PPARGC1A: variants seen among roughly 807,000 people sequenced by gnomAD.
PPARGC1A encodes the protein peroxisome proliferator-activated receptor gamma coactivator 1-alpha.
A neutral mutation model predicts 88.7 loss-of-function variants in PPARGC1A; 25 were observed. The observed-to-expected ratio is 0.28, with a 90% CI of 0.21 to 0.39. The LOEUF is 0.39. Ranked by LOEUF, PPARGC1A falls within the 10% of genes least tolerant of loss-of-function variation. The pLI is 1.00. For synonymous variants in PPARGC1A, 363 were observed against 355.6 expected, an observed-to-expected ratio of 1.02 and a Z score of -0.24; for missense variants, 880 against 968.7, an observed-to-expected ratio of 0.91 and a Z score of 1.22.
chr4:23,812,075 G>A (rs533140868), intron 10 of PPARGC1A, among the ~76,000 whole-genome samples: 14 of 151,356 alleles, frequency 9.2e-5, no homozygotes, highest in African/African-American at 2.9e-4. Flanking sequence ...GCACCACCAC[G>A]CCTGGCTAAT....
intron 2 of PPARGC1A, among the ~76,000 whole-genome samples, chr4:23,848,099 C>T (rs989365312): frequency 6.6e-5 from 10 of 152,158 alleles, no homozygotes; most frequent in African/African-American, 2.2e-4. Context: ...ATAGTTGTCC[C>T]ATAAGGTTAC....
the PPARGC1A span, among the ~76,000 whole-genome samples, chr4:24,031,933 G>C: frequency 1.3e-5 from 2 of 152,172 alleles, no homozygotes; most frequent in African/African-American, 4.8e-5. Flanking sequence ...AGCCCAGAGA[G>C]GGGGAACTGG....
the PPARGC1A span, among the ~76,000 whole-genome samples, chr4:24,109,081 A>G: frequency 6.8e-6 from 1 of 147,170 alleles, no homozygotes; most frequent in Non-Finnish European, 1.5e-5. Context: ...TGCCATTGCT[A>G]GAAAGGATAT....
the PPARGC1A span, among the ~76,000 whole-genome samples, chr4:23,945,079 G>A: frequency 6.6e-6 from 1 of 151,928 alleles, no homozygotes; most frequent in Non-Finnish European, 1.5e-5. Context: ...TATGTATAAA[G>A]CCCATAGAAT....
the PPARGC1A span, among the ~76,000 whole-genome samples, chr4:24,199,922 C>A: frequency 6.6e-6 from 1 of 152,108 alleles, no homozygotes; most frequent in African/African-American, 2.4e-5. Context: ...GAGGACGTTG[C>A]TGACAGCACC....
intron 12 of PPARGC1A, 51 bp downstream of exon 12, chr4:23,801,679 C>G: frequency 1.3e-6 from 2 of 1,597,524 alleles, no homozygotes; most frequent in South Asian, 2.2e-5. Flanking sequence ...TTGTTCCCAT[C>G]TTGAGCTCTA....
the PPARGC1A span, among the ~76,000 whole-genome samples, chr4:24,147,624 G>A: frequency 6.6e-6 from 1 of 152,008 alleles, no homozygotes. Flanking sequence ...CTGACCAATG[G>A]CCAATTAGCT....
At chr4:24,406,495 TA>T in the PPARGC1A span, among the ~76,000 whole-genome samples, 1 of 152,226 alleles carries the variant, frequency 6.6e-6, no homozygotes, top group Admixed American at 6.5e-5. Context: ...GATTTGGAAT[TA>T]TGCTGATTTA....
At chr4:23,952,996 C>T in the PPARGC1A span, among the ~76,000 whole-genome samples, 2 of 151,952 alleles carry the variant, frequency 1.3e-5, no homozygotes, top group Admixed American at 6.6e-5. Context: ...GCATTACAAC[C>T]TTCCTTTCTT....
the PPARGC1A span, among the ~76,000 whole-genome samples, chr4:24,087,566 A>G: frequency 6.6e-6 from 1 of 152,218 alleles, no homozygotes; most frequent in Non-Finnish European, 1.5e-5. Context: ...GTCACGAAGG[A>G]TACATCCCAT....
intron 2 of PPARGC1A, among the ~76,000 whole-genome samples, chr4:23,833,511 AG>A (rs1725427164): frequency 6.6e-6 from 1 of 152,206 alleles, no homozygotes; most frequent in Non-Finnish European, 1.5e-5. Flanking sequence ...CATCTAATGA[AG>A]CTAGCAGTAC....
the PPARGC1A span, among the ~76,000 whole-genome samples, chr4:24,236,894 A>G: frequency 6.6e-6 from 1 of 152,238 alleles, no homozygotes; most frequent in South Asian, 2.1e-4. Flanking sequence ...TTAGACATGA[A>G]GAAGCGGGAC....
chr4:24,117,054 A>C, the PPARGC1A span, among the ~76,000 whole-genome samples: 2 of 152,116 alleles, frequency 1.3e-5, no homozygotes, highest in Non-Finnish European at 2.9e-5. Context: ...GGTAAAAAAA[A>C]AAAAATCACA....
intron 2 of PPARGC1A, among the ~76,000 whole-genome samples, chr4:23,869,962 A>G (rs1425573642): frequency 9.8e-5 from 15 of 152,340 alleles, no homozygotes; most frequent in Non-Finnish European, 1.9e-4. Context: ...TGGTCTCTTT[A>G]TTCAAGAAAA....
the PPARGC1A span, among the ~76,000 whole-genome samples, chr4:23,964,150 G>C: frequency 6.6e-6 from 1 of 152,178 alleles, no homozygotes; most frequent in Non-Finnish European, 1.5e-5. Context: ...GCTGGGAACT[G>C]TTCTTTTATT....
At chr4:23,997,494 G>GT in the PPARGC1A span, among the ~76,000 whole-genome samples, 3 of 126,036 alleles carry the variant, frequency 2.4e-5, no homozygotes, top group Non-Finnish European at 1.7e-5. Flanking sequence ...TGCCAAGAAA[G>GT]CCCTTTTTTT....
At chr4:23,940,326 G>A in the PPARGC1A span, among the ~76,000 whole-genome samples, 4 of 152,298 alleles carry the variant, frequency 2.6e-5, no homozygotes, top group East Asian at 7.7e-4. Flanking sequence ...ACGCTACATG[G>A]AACGCAGAAG....
the PPARGC1A span, among the ~76,000 whole-genome samples, chr4:23,925,917 T>C: frequency 6.6e-6 from 1 of 152,200 alleles, no homozygotes; most frequent in South Asian, 2.1e-4. Flanking sequence ...TTCAAACTTA[T>C]AATGTTACCA....
the PPARGC1A span, among the ~76,000 whole-genome samples, chr4:24,313,223 GA>G: frequency 2.0e-5 from 3 of 152,266 alleles, 1 homozygote; most frequent in South Asian, 6.2e-4. Context: ...AGATTGCAGG[GA>G]AACTAAATAA....
Sources: gnomAD v4.1 joint callset for allele counts (sites outside exome capture counted in the v4.1 genomes callset) on GRCh38, gnomAD v4.1.1 for gene constraint, MANE v1.5 for transcripts, NCBI Gene and HGNC (gene_info 2026-07-23, HGNC 2026-07-21) for gene names.